Variants in SAMSN1 observed in about 807,000 individuals in gnomAD.
SAMSN1 encodes the protein SAM domain-containing protein SAMSN-1.
In SAMSN1, 31 loss-of-function variants were observed where a neutral mutation model predicts 42.0. The observed-to-expected ratio is 0.74, with a 90% CI of 0.55 to 1.00. The LOEUF (loss-of-function observed/expected upper bound fraction) is 1.00, where lower values mean the gene tolerates loss of function less well. Among genes scored for constraint, SAMSN1 ranks in the 50% least tolerant of loss-of-function variants. The pLI is 0.00. For synonymous variants in SAMSN1, 178 were observed against 151.9 expected, an observed-to-expected ratio of 1.17 and a Z score of -1.26; for missense variants, 464 against 439.4, an observed-to-expected ratio of 1.06 and a Z score of -0.50.
At chr21:14,608,626 T>G (rs1469204096) in intron 5 of SAMSN1, among the ~76,000 whole-genome samples, 1 of 152,070 alleles carries the variant, frequency 6.6e-6, no homozygotes, top group Non-Finnish European at 1.5e-5. Flanking sequence ...TCATCACCCC[T>G]TTCCCAATCC....
chr21:14,605,765 T>C (rs1982546597), intron 5 of SAMSN1, among the ~76,000 whole-genome samples: 2 of 151,964 alleles, frequency 1.3e-5, no homozygotes, highest in South Asian at 4.1e-4. Context: ...CCCACTGGGT[T>C]CCTCCTTTTA....
At chr21:14,632,319 A>G (rs1437236087) in intron 2 of SAMSN1, among the ~76,000 whole-genome samples, 1 of 152,016 alleles carries the variant, frequency 6.6e-6, no homozygotes, top group South Asian at 2.1e-4. Flanking sequence ...AACCTGTAGT[A>G]TATTCCTTTC....
intron 7 of SAMSN1, among the ~76,000 whole-genome samples, chr21:14,491,325 C>G (rs907111639): frequency 6.6e-6 from 1 of 151,128 alleles, no homozygotes; most frequent in Non-Finnish European, 1.5e-5. Flanking sequence ...CCAGGCTCGT[C>G]TTGAACTCTT....
intron 5 of SAMSN1, among the ~76,000 whole-genome samples, chr21:14,509,889 C>G: frequency 6.6e-6 from 1 of 152,190 alleles, no homozygotes; most frequent in Non-Finnish European, 1.5e-5. Context: ...CCTGTAATCC[C>G]AGCACTTTGG....
At chr21:14,495,824 G>A (rs1254997274) in intron 7 of SAMSN1, 1 of 152,162 alleles carries the variant, frequency 6.6e-6, no homozygotes, top group African/African-American at 2.4e-5. Flanking sequence ...GCTTGAGAAA[G>A]CCACTTAGCT....
chr21:14,568,788 A>T (rs1343073042), intron 2 of SAMSN1, among the ~76,000 whole-genome samples: 1 of 152,162 alleles, frequency 6.6e-6, no homozygotes, highest in Non-Finnish European at 1.5e-5. Context: ...GTTAAAAGGG[A>T]ATCTAGTGTC....
intron 2 of SAMSN1, among the ~76,000 whole-genome samples, chr21:14,551,957 A>G (rs2123179224): frequency 6.6e-6 from 1 of 152,222 alleles, no homozygotes; most frequent in East Asian, 1.9e-4. Flanking sequence ...TAAAATGGGA[A>G]TGATTAATTT....
At chr21:14,505,171 A>G (rs561489239) in intron 5 of SAMSN1, among the ~76,000 whole-genome samples, 1 of 152,160 alleles carries the variant, frequency 6.6e-6, no homozygotes, top group Admixed American at 6.5e-5. Context: ...AAACAAAAAT[A>G]CAATTTAAAA....
chr21:14,617,303 G>C (rs879460945), intron 2 of SAMSN1, among the ~76,000 whole-genome samples: 4 of 152,176 alleles, frequency 2.6e-5, no homozygotes, highest in Non-Finnish European at 5.9e-5. Context: ...TGCCCTAAAA[G>C]TATGCAATCT....
chr21:14,585,089 G>C (rs533837545), upstream of SAMSN1, among the ~76,000 whole-genome samples: 9 of 152,268 alleles, frequency 5.9e-5, no homozygotes, highest in African/African-American at 9.6e-5. Context: ...TTTCAGAAAG[G>C]ACTGTGATGA....
At chr21:14,559,205 G>A (rs1029974964) in intron 2 of SAMSN1, among the ~76,000 whole-genome samples, 2 of 152,104 alleles carry the variant, frequency 1.3e-5, no homozygotes, top group African/African-American at 4.8e-5. Context: ...AAAAACATGG[G>A]CTTTTGTTTT....
At chr21:14,600,862 C>T (rs1982410819) in intron 6 of SAMSN1, among the ~76,000 whole-genome samples, 1 of 151,990 alleles carries the variant, frequency 6.6e-6, no homozygotes, top group Non-Finnish European at 1.5e-5. Context: ...TTATTAAGCC[C>T]TTGAAAGAGT....
chr21:14,590,916 T>C (rs897478229), intron 7 of SAMSN1, among the ~76,000 whole-genome samples: 1 of 152,174 alleles, frequency 6.6e-6, no homozygotes, highest in African/African-American at 2.4e-5. Flanking sequence ...AGAAACTCAA[T>C]GGACAGTAAT....
chr21:14,564,311 A>G (rs1433904900), intron 2 of SAMSN1, among the ~76,000 whole-genome samples: 2 of 152,198 alleles, frequency 1.3e-5, no homozygotes, highest in African/African-American at 4.8e-5. Context: ...AAAGCCTAGA[A>G]GTAGATGAGA....
At chr21:14,619,373 C>A (rs1982940750) in intron 2 of SAMSN1, among the ~76,000 whole-genome samples, 1 of 152,128 alleles carries the variant, frequency 6.6e-6, no homozygotes, top group Admixed American at 6.5e-5. Context: ...TGATGTAAAT[C>A]CCATGGTGAA....
At chr21:14,636,053 A>G (rs897170709) in intron 2 of SAMSN1, among the ~76,000 whole-genome samples, 1 of 152,136 alleles carries the variant, frequency 6.6e-6, no homozygotes, top group Non-Finnish European at 1.5e-5. Context: ...GAGTGAGAAC[A>G]TGCAGTGTTT....
chr21:14,520,734 G>A (rs775552579), intron 2 of SAMSN1, among the ~76,000 whole-genome samples: 12 of 152,152 alleles, frequency 7.9e-5, no homozygotes, highest in Non-Finnish European at 1.8e-4. Context: ...CTGTGCACTG[G>A]GGGAAGGGGA....
At chr21:14,561,003 A>G (rs1379816636) in intron 2 of SAMSN1, among the ~76,000 whole-genome samples, 1 of 152,178 alleles carries the variant, frequency 6.6e-6, no homozygotes, top group African/African-American at 2.4e-5. Context: ...GGTCTTGAAC[A>G]CTGATAAGAT....
At chr21:14,546,333 T>A, upstream of SAMSN1, 1 of 1,595,142 alleles carries the variant, frequency 6.3e-7, no homozygotes, top group Non-Finnish European at 8.5e-7. Context: ...GTCAGCAGTG[T>A]GCTGTCTAAT....
Sources: allele counts gnomAD v4.1 joint callset (sites outside exome capture counted in the v4.1 genomes callset), GRCh38; gene constraint gnomAD v4.1.1; transcripts MANE v1.5; gene names NCBI Gene and HGNC (gene_info 2026-07-23, HGNC 2026-07-21).